FGF14: variants seen among roughly 807,000 people sequenced by gnomAD.
FGF14 encodes fibroblast growth factor homologous factor 4.
In FGF14, 5 loss-of-function variants were observed where a neutral mutation model predicts 25.5. The observed-to-expected ratio is 0.20, with a 90% confidence interval of 0.10 to 0.41. The LOEUF (loss-of-function observed/expected upper bound fraction) is 0.41, where lower values mean the gene tolerates loss of function less well. Ranked by LOEUF, FGF14 falls within the 10% of genes least tolerant of loss-of-function variation. The probability of loss-of-function intolerance (pLI) is 1.00; values close to 1 mark genes in which losing one functional copy is unlikely to be tolerated. For synonymous variants in FGF14, 138 were observed against 118.3 expected (o/e 1.17, Z -1.08); for missense variants, 222 against 320.1 (o/e 0.69, Z 2.34).
Position 101,902,285 on chromosome 13 carries a change from CTCTT to C in FGF14, c.193+14164_193+14167del, listed in dbSNP as rs538313701. On this transcript the variant is annotated intron_variant, in intron 1 of 4. Transcript: ENST00000376143. ...TATATTATTATTTTCTGTCCTTATG[CTCTT>C]TCTCTTTCTTTTTTTAAGCTTCTTG... Among the ~76,000 whole-genome samples the C allele has an allele frequency of 2.3e-3, 353 of 152,096 alleles. 2 individuals carry two copies. Among genetic ancestry groups the C allele is most frequent in the Middle Eastern group, 0.014 (4 of 292 alleles).
chr13:102,126,129 C>T (rs745901157), intron 1 of FGF14, among the ~76,000 whole-genome samples: 11 of 151,934 alleles, frequency 7.2e-5, no homozygotes, highest in Non-Finnish European at 1.5e-4. Flanking sequence ...TAATTATATT[C>T]AGAACATTGT....
At chr13:101,759,019 A>G (rs1352627308) in intron 3 of FGF14, among the ~76,000 whole-genome samples, 1 of 152,244 alleles carries the variant, frequency 6.6e-6, no homozygotes, top group Non-Finnish European at 1.5e-5. Context: ...ATCTTGGTTT[A>G]GAGCATGCCA....
intron 1 of FGF14, among the ~76,000 whole-genome samples, chr13:102,122,069 A>G (rs2045751230): frequency 6.6e-6 from 1 of 152,226 alleles, no homozygotes; most frequent in Admixed American, 6.5e-5. Flanking sequence ...GGGATATACT[A>G]GAGTCATGAG....
At chr13:101,792,746 G>C (rs1029257213) in intron 3 of FGF14, among the ~76,000 whole-genome samples, 1 of 152,086 alleles carries the variant, frequency 6.6e-6, no homozygotes, top group Non-Finnish European at 1.5e-5. Flanking sequence ...TTCACATAAA[G>C]CTGTGATTTC....
chr13:102,244,113 A>G (rs959761097), intron 1 of FGF14, among the ~76,000 whole-genome samples: 3 of 152,094 alleles, frequency 2.0e-5, no homozygotes, highest in Non-Finnish European at 4.4e-5. Flanking sequence ...TTTAAATGAG[A>G]GTACTACAAA....
At chr13:102,165,585 A>T (rs1478613485) in intron 1 of FGF14, among the ~76,000 whole-genome samples, 3 of 146,538 alleles carry the variant, frequency 2.0e-5, no homozygotes, top group East Asian at 4.1e-4. Context: ...AAACACCACG[A>T]ATTCTCACTC....
rs2034847666 is a variant in FGF14 at position 101,719,505 on chromosome 13, A to G, written c.*3326T>C. The G allele has an allele frequency of 1.3e-5, 2 of 152,132 alleles. No homozygotes were observed. Among genetic ancestry groups the G allele is most frequent in the Non-Finnish European group, 2.9e-5 (2 of 68,004 alleles). The allele number at this position is 152,132 out of a possible 1,614,324, so 9.4% of individuals were successfully genotyped here. ...CCATTTTGCTCTTTACATAGGGTGG[A>G]GAATTGTCATGTCTTCTCTAATTTT... is the stretch of plus-strand genomic sequence containing the variant. On this transcript the variant is annotated 3_prime_UTR_variant, in exon 5 of 5. Transcript: ENST00000376143.
At chr13:101,806,010 CATT>C (rs1400485936) in intron 3 of FGF14, among the ~76,000 whole-genome samples, 1 of 151,484 alleles carries the variant, frequency 6.6e-6, no homozygotes, top group Non-Finnish European at 1.5e-5. Context: ...TTATCAGTTT[CATT>C]ATTGTATATG....
chr13:102,202,298 G>A (rs1346619723), intron 1 of FGF14, among the ~76,000 whole-genome samples: 5 of 152,150 alleles, frequency 3.3e-5, no homozygotes, highest in South Asian at 2.1e-4. Context: ...TATCATGGTC[G>A]GGAAACAGTT....
intron 1 of FGF14, among the ~76,000 whole-genome samples, chr13:101,999,902 T>C (rs1325154615): frequency 6.6e-6 from 1 of 152,204 alleles, no homozygotes; most frequent in African/African-American, 2.4e-5. Context: ...GGTTTCTCCA[T>C]AGGTCACTCA....
intron 1 of FGF14, among the ~76,000 whole-genome samples, chr13:102,219,905 T>C (rs1166747585): frequency 6.6e-6 from 1 of 152,208 alleles, no homozygotes; most frequent in Non-Finnish European, 1.5e-5. Context: ...GCATTTATAC[T>C]AATAATTATC....
chr13:102,301,282 C>T (rs1309987001), intron 1 of FGF14, among the ~76,000 whole-genome samples: 7 of 152,076 alleles, frequency 4.6e-5, no homozygotes, highest in Non-Finnish European at 8.8e-5. Flanking sequence ...GGAATAGTTC[C>T]TTATACATAT....
chr13:102,012,700 C>A (rs2040143033), intron 1 of FGF14, among the ~76,000 whole-genome samples: 1 of 152,048 alleles, frequency 6.6e-6, no homozygotes, highest in Non-Finnish European at 1.5e-5. Flanking sequence ...TGGAGTGTGA[C>A]AAAATGAAGA....
intron 3 of FGF14, among the ~76,000 whole-genome samples, chr13:101,767,107 C>T (rs909192301): frequency 1.3e-5 from 2 of 152,160 alleles, no homozygotes; most frequent in African/African-American, 2.4e-5. Flanking sequence ...TCAAAGAAGT[C>T]TGAATTATCG....
intron 1 of FGF14, among the ~76,000 whole-genome samples, chr13:102,142,009 C>G (rs1228022037): frequency 6.6e-6 from 1 of 152,114 alleles, no homozygotes; most frequent in South Asian, 2.1e-4. Flanking sequence ...ATAAAGTACA[C>G]ATGCATGAGG....
intron 1 of FGF14, among the ~76,000 whole-genome samples, chr13:101,923,325 T>C (rs987512138): frequency 1.3e-5 from 2 of 152,048 alleles, no homozygotes; most frequent in Non-Finnish European, 2.9e-5. Flanking sequence ...ATAAACCAAT[T>C]TGGGGTGAGC....
chr13:102,365,423 G>A (rs930020945), intron 1 of FGF14, among the ~76,000 whole-genome samples: 6 of 152,062 alleles, frequency 3.9e-5, no homozygotes, highest in African/African-American at 1.4e-4. Flanking sequence ...TCTTTGAGCC[G>A]GTTTCTTCAT....
chr13:102,134,458 G>A (rs1056396388), intron 1 of FGF14, among the ~76,000 whole-genome samples: 3 of 152,212 alleles, frequency 2.0e-5, no homozygotes, highest in Admixed American at 2.0e-4. Context: ...AAGCATGTAT[G>A]TTATACCTCC....
intron 1 of FGF14, among the ~76,000 whole-genome samples, chr13:102,046,195 C>T (rs567676942): frequency 8.7e-4 from 133 of 152,158 alleles, no homozygotes; most frequent in African/African-American, 1.4e-3. Flanking sequence ...TCAATTCCTA[C>T]GGGGCTGATT....
Sources: allele counts gnomAD v4.1 joint callset (sites outside exome capture counted in the v4.1 genomes callset), GRCh38; gene constraint gnomAD v4.1.1; transcripts MANE v1.5; gene names NCBI Gene and HGNC (gene_info 2026-07-23, HGNC 2026-07-21).